PCDH7: variants seen among roughly 807,000 people sequenced by gnomAD.
PCDH7 encodes the protein protocadherin 7.
In PCDH7, 17 loss-of-function variants were observed where a neutral mutation model predicts 58.9. That is an observed-to-expected ratio of 0.29 (90% CI 0.20 to 0.43). PCDH7 has a LOEUF of 0.43. Among genes scored for constraint, PCDH7 ranks in the 20% least tolerant of loss-of-function variants. PCDH7 has a pLI of 1.00. For synonymous variants in PCDH7, 664 were observed against 616.4 expected, an observed-to-expected ratio of 1.08 and a Z score of -1.14; for missense variants, 1,274 against 1,441.0, an observed-to-expected ratio of 0.88 and a Z score of 1.88.
chr4:30,797,326 G>T (rs2109303368), intron 1 of PCDH7, among the ~76,000 whole-genome samples: 1 of 151,956 alleles, frequency 6.6e-6, no homozygotes, highest in Non-Finnish European at 1.5e-5. Flanking sequence ...AGGCTGGAGT[G>T]CAGTGGCTCC....
chr4:31,074,373 T>C (rs1041373767), intron 3 of PCDH7, among the ~76,000 whole-genome samples: 2 of 151,918 alleles, frequency 1.3e-5, no homozygotes, highest in African/African-American at 2.4e-5. Context: ...TATATACTTA[T>C]ATCATGGCTT....
chr4:30,868,757 G>T (rs1384675470), intron 1 of PCDH7, among the ~76,000 whole-genome samples: 1 of 152,024 alleles, frequency 6.6e-6, no homozygotes, highest in East Asian at 1.9e-4. Context: ...TTACTGAAGA[G>T]CCCATCCAAA....
intron 1 of PCDH7, among the ~76,000 whole-genome samples, chr4:30,882,970 C>G (rs889496750): frequency 2.6e-5 from 4 of 152,202 alleles, no homozygotes; most frequent in Non-Finnish European, 5.9e-5. Context: ...ATCCCATGGT[C>G]TCAAAGAGCG....
chr4:30,875,009 T>G (rs1736114992), intron 1 of PCDH7, among the ~76,000 whole-genome samples: 1 of 152,092 alleles, frequency 6.6e-6, no homozygotes, highest in South Asian at 2.1e-4. Context: ...ACAGTCCTTA[T>G]TTCCTCACAT....
At chr4:30,795,483 A>C (rs531679762) in intron 1 of PCDH7, among the ~76,000 whole-genome samples, 3 of 152,240 alleles carry the variant, frequency 2.0e-5, no homozygotes, top group Admixed American at 6.5e-5. Flanking sequence ...CTACTCACTT[A>C]CTGGTTGAGC....
At chr4:30,779,184 C>T (rs767617431) in intron 1 of PCDH7, among the ~76,000 whole-genome samples, 1 of 151,650 alleles carries the variant, frequency 6.6e-6, no homozygotes, top group Non-Finnish European at 1.5e-5. Flanking sequence ...CCACCACACC[C>T]GGCTGTTTTT....
intron 1 of PCDH7, among the ~76,000 whole-genome samples, chr4:30,765,154 G>GTTTTT (rs1720588044): frequency 2.7e-5 from 1 of 36,966 alleles, no homozygotes. Context: ...TTTTTTTTAA[G>GTTTTT]AAGGAAAGGA....
At chr4:30,758,236 G>A (rs1026590887) in intron 1 of PCDH7, among the ~76,000 whole-genome samples, 17 of 152,178 alleles carry the variant, frequency 1.1e-4, no homozygotes, top group Non-Finnish European at 2.2e-4. Flanking sequence ...AGAACAGGAA[G>A]ATCCAGGTAG....
intron 3 of PCDH7, among the ~76,000 whole-genome samples, chr4:31,042,578 G>A (rs554307540): frequency 6.6e-6 from 1 of 152,102 alleles, no homozygotes; most frequent in African/African-American, 2.4e-5. Flanking sequence ...TAGTTTCTTT[G>A]GGGTCCTGTG....
chr4:30,974,068 C>T (rs1451469811), intron 3 of PCDH7, among the ~76,000 whole-genome samples: 1 of 151,966 alleles, frequency 6.6e-6, no homozygotes, highest in Non-Finnish European at 1.5e-5. Flanking sequence ...AACACACACT[C>T]CTAGATGTTT....
chr4:31,131,951 A>G (rs1252916308), intron 3 of PCDH7, among the ~76,000 whole-genome samples: 3 of 152,202 alleles, frequency 2.0e-5, no homozygotes, highest in Non-Finnish European at 4.4e-5. Flanking sequence ...CCTGTGCAAA[A>G]AGTAATCACC....
At chr4:30,977,299 T>C (rs1381482054) in intron 3 of PCDH7, among the ~76,000 whole-genome samples, 1 of 152,186 alleles carries the variant, frequency 6.6e-6, no homozygotes, top group Non-Finnish European at 1.5e-5. Flanking sequence ...AAATTATACT[T>C]AGAAGCCCTT....
chr4:30,733,868 T>TA (rs1213772474), downstream of PCDH7, among the ~76,000 whole-genome samples: 1 of 152,224 alleles, frequency 6.6e-6, no homozygotes, highest in Non-Finnish European at 1.5e-5. Context: ...AAGAATTCCT[T>TA]AAAACAGGTC....
At chr4:30,889,922 A>G (rs1476806303) in intron 1 of PCDH7, among the ~76,000 whole-genome samples, 4 of 152,326 alleles carry the variant, frequency 2.6e-5, no homozygotes, top group East Asian at 3.9e-4. Context: ...TGATCCTAAT[A>G]TGCTAGAATG....
chr4:30,972,636 C>A (rs1749691685), intron 3 of PCDH7, among the ~76,000 whole-genome samples: 1 of 152,164 alleles, frequency 6.6e-6, no homozygotes, highest in African/African-American at 2.4e-5. Context: ...ACAACACAAA[C>A]AAATTATCTC....
chr4:31,102,355 G>C (rs779738454), intron 3 of PCDH7, among the ~76,000 whole-genome samples: 1 of 152,134 alleles, frequency 6.6e-6, no homozygotes, highest in Non-Finnish European at 1.5e-5. Context: ...AGAGGCAGTA[G>C]TCATAAAAGC....
intron 1 of PCDH7, among the ~76,000 whole-genome samples, chr4:30,782,107 G>A (rs912480734): frequency 1.3e-5 from 2 of 152,056 alleles, no homozygotes; most frequent in Non-Finnish European, 2.9e-5. Context: ...ATATATATTT[G>A]TGAATTTAAA....
At chr4:30,907,730 C>T (rs1287240603) in intron 1 of PCDH7, among the ~76,000 whole-genome samples, 4 of 152,122 alleles carry the variant, frequency 2.6e-5, no homozygotes, top group Non-Finnish European at 2.9e-5. Flanking sequence ...TACCATTTGA[C>T]ACAGCAATCC....
In PCDH7 at chr4:30,948,728, T is replaced by C. The variant is rs967087783; in HGVS notation, c.288-1392T>C. ...CATATGCCTTCAGAATTCTTTGATG[T>C]TAATCTCTTATGACAACCAATTAGT... On this transcript the variant is annotated intron_variant, in intron 2 of 3. Coordinates refer to the PCDH7 transcript ENST00000509759. Among the ~76,000 whole-genome samples, 7 of 152,280 alleles carry C rather than the reference T, an allele frequency of 4.6e-5. No homozygotes were observed. In the East Asian group the frequency reaches 1.4e-3, roughly 29 times the overall value.
Sources: allele counts gnomAD v4.1 joint callset (sites outside exome capture counted in the v4.1 genomes callset), GRCh38; gene constraint gnomAD v4.1.1; transcripts MANE v1.5; gene names NCBI Gene and HGNC (gene_info 2026-07-23, HGNC 2026-07-21).